Variants in ADAM12 observed in about 807,000 individuals in gnomAD.
ADAM12 encodes disintegrin and metalloproteinase domain-containing protein 12.
In ADAM12, 70 loss-of-function variants were observed where a neutral mutation model predicts 106.4. That is an observed-to-expected ratio of 0.66 (90% confidence interval 0.54 to 0.80). The LOEUF is 0.80. Ranked by LOEUF, ADAM12 falls within the 30% of genes least tolerant of loss-of-function variation. The pLI is 0.00. For synonymous variants in ADAM12, 420 were observed against 433.5 expected, an observed-to-expected ratio of 0.97 and a Z score of 0.39; for missense variants, 1,010 against 1,171.9, an observed-to-expected ratio of 0.86 and a Z score of 2.02.
rs759741851 is a variant in ADAM12 at position 126,066,703 on chromosome 10, C to T, written c.1413+14G>A. Reference sequence around the variant, plus strand: ...TGGCGACCTGGGGGTCAAGTTGTAGCTCCGGTGACTCACCTGGCAGTCTTC... The same window carrying T: ...TGGCGACCTGGGGGTCAAGTTGTAGTTCCGGTGACTCACCTGGCAGTCTTC... On this transcript the variant is annotated intron_variant, in intron 13 of 22. Transcript: ENST00000448723. The surrounding 1 kb of genome is among the most constrained non-coding windows in gnomAD (Gnocchi z 5.1). The T allele has an allele frequency of 6.2e-7, 1 of 1,613,714 alleles. No homozygotes were observed. Among genetic ancestry groups the T allele is most frequent in the South Asian group, 1.1e-5 (1 of 91,070 alleles).
chr10:126,292,372 G>T (rs1262800276), intron 2 of ADAM12, among the ~76,000 whole-genome samples: 1 of 151,884 alleles, frequency 6.6e-6, no homozygotes, highest in Non-Finnish European at 1.5e-5. Context: ...TCCTTCTCTG[G>T]AGTACCTCCA....
intron 6 of ADAM12, among the ~76,000 whole-genome samples, chr10:126,115,721 T>C (rs1252075146): frequency 6.6e-6 from 1 of 152,188 alleles, no homozygotes; most frequent in Non-Finnish European, 1.5e-5. Flanking sequence ...AGTTGCTGCA[T>C]TGCATAAACA....
At chr10:126,350,481 GC>G (rs911589754) in intron 1 of ADAM12, among the ~76,000 whole-genome samples, 1 of 152,228 alleles carries the variant, frequency 6.6e-6, no homozygotes, top group Non-Finnish European at 1.5e-5. Context: ...AGAGACAGCT[GC>G]CTGGGCATGG....
At chr10:126,178,074 T>C (rs1957250419) in intron 3 of ADAM12, among the ~76,000 whole-genome samples, 1 of 152,228 alleles carries the variant, frequency 6.6e-6, no homozygotes, top group Non-Finnish European at 1.5e-5. Context: ...TTTATGTGAT[T>C]GTTGATGTGA....
rs921876542 is a variant in ADAM12, at chr10:126,349,302, T to A, written c.89-18793A>T. Among the ~76,000 whole-genome samples, 7 of 152,228 alleles carry A rather than the reference T, an allele frequency of 4.6e-5. No individual in the cohort carries two copies. The South Asian group carries it at 1.4e-3, about 31-fold the overall frequency. ...ATTCAGGGGCCCACATGACTCCATCTGTCACCAAAGCACATGTTTGGCACG... is the reference window on the plus strand; with the variant it reads ...ATTCAGGGGCCCACATGACTCCATCAGTCACCAAAGCACATGTTTGGCACG... On this transcript the variant is annotated intron_variant, in intron 1 of 22. Transcript: ENST00000448723.
chr10:126,354,013 GT>G (rs374198285), intron 1 of ADAM12, among the ~76,000 whole-genome samples: 1 of 149,342 alleles, frequency 6.7e-6, no homozygotes, highest in Non-Finnish European at 1.5e-5. Context: ...TATTTGAAAT[GT>G]TTTTTATAAT....
chr10:126,051,450 C>T (rs1954481234), intron 14 of ADAM12, among the ~76,000 whole-genome samples: 1 of 151,878 alleles, frequency 6.6e-6, no homozygotes, highest in Non-Finnish European at 1.5e-5. Flanking sequence ...TCCAGCCAGC[C>T]ACCCAGCCAC....
At chr10:126,363,254 G>C (rs755419461) in intron 1 of ADAM12, among the ~76,000 whole-genome samples, 4 of 152,134 alleles carry the variant, frequency 2.6e-5, no homozygotes, top group Non-Finnish European at 5.9e-5. Context: ...AAGTCTGTAA[G>C]AAGTTCAAAA....
intron 2 of ADAM12, among the ~76,000 whole-genome samples, chr10:126,296,438 T>C (rs1484719451): frequency 2.0e-5 from 3 of 152,178 alleles, no homozygotes; most frequent in Admixed American, 6.5e-5. Flanking sequence ...CCCAGCCTTT[T>C]AAATATTTTT....
chr10:126,181,789 C>T (rs992347453), intron 3 of ADAM12, among the ~76,000 whole-genome samples: 6 of 152,210 alleles, frequency 3.9e-5, no homozygotes, highest in Non-Finnish European at 7.3e-5. Flanking sequence ...GCAAGCAAGC[C>T]AGCTGTTGAC....
chr10:126,132,696 A>G (rs1956330180), intron 5 of ADAM12, among the ~76,000 whole-genome samples: 1 of 151,956 alleles, frequency 6.6e-6, no homozygotes, highest in Admixed American at 6.6e-5. Context: ...TTGTTTGAAC[A>G]TGCAAACTTC....
chr10:126,142,659 G>A (rs962007798), intron 4 of ADAM12, among the ~76,000 whole-genome samples: 4 of 152,020 alleles, frequency 2.6e-5, no homozygotes, highest in Non-Finnish European at 5.9e-5. Flanking sequence ...CGGGGGGCCT[G>A]TTCCCAACAA....
At chr10:126,242,770 T>C (rs1016926850) in intron 3 of ADAM12, among the ~76,000 whole-genome samples, 4 of 152,182 alleles carry the variant, frequency 2.6e-5, no homozygotes, top group Admixed American at 2.6e-4. Context: ...TGTCCACATC[T>C]GGGGAGAAAG....
Position 126,014,312 on chromosome 10 carries a change from G to GTTTTTTTTTTT in ADAM12, c.*2966_*2967insAAAAAAAAAAA, listed in dbSNP as rs145629858. 3.1e-4 allele frequency: 27 copies of GTTTTTTTTTTT among 87,658 alleles called. 1 individual carries two copies. Among genetic ancestry groups the GTTTTTTTTTTT allele is most frequent in the African/African-American group, 1.0e-3 (24 of 23,898 alleles). The allele number at this position is 87,658 out of a possible 1,614,324, so 5.4% of individuals were successfully genotyped here. A position where few individuals can be genotyped will look rare whatever the true frequency, so the allele number is the denominator to read the frequency against. ...AGAACATTTTGACACAGTTTTAGCC[G>GTTTTTTTTTTT]GTTTTTTTTTTTTTTTTTTTTTTTT... On this transcript the variant is annotated 3_prime_UTR_variant, in exon 23 of 23. Transcript: ENST00000448723.
chr10:126,383,452 G>T (rs561816094), intron 1 of ADAM12, among the ~76,000 whole-genome samples: 4 of 152,014 alleles, frequency 2.6e-5, no homozygotes, highest in Non-Finnish European at 5.9e-5. Flanking sequence ...ATTGAAGAAC[G>T]AATATAAGAA....
chr10:126,225,371 T>A (rs1302787597), intron 3 of ADAM12, among the ~76,000 whole-genome samples: 1 of 152,194 alleles, frequency 6.6e-6, no homozygotes, highest in Non-Finnish European at 1.5e-5. Context: ...TCTGCAAAGT[T>A]TCCTCGTTAA....
At chr10:126,037,029 TCC>T (rs1349091128) in intron 20 of ADAM12, among the ~76,000 whole-genome samples, 1 of 152,144 alleles carries the variant, frequency 6.6e-6, no homozygotes, top group African/African-American at 2.4e-5. Context: ...GCTTCTCCCT[TCC>T]CTCTCCCTCC....
At chr10:126,102,652 A>C (rs1184491532) in intron 8 of ADAM12, among the ~76,000 whole-genome samples, 16 of 152,228 alleles carry the variant, frequency 1.1e-4, no homozygotes, top group Admixed American at 1.0e-3. Context: ...TGCTGATTGC[A>C]TTGGTCCAAC....
At chr10:126,198,599 C>G (rs1957641923) in intron 3 of ADAM12, among the ~76,000 whole-genome samples, 1 of 152,206 alleles carries the variant, frequency 6.6e-6, no homozygotes, top group Admixed American at 6.5e-5. Context: ...CCAGCACCTC[C>G]CCTGCTGCTC....
Sources: gnomAD v4.1 joint callset for allele counts (sites outside exome capture counted in the v4.1 genomes callset) on GRCh38, gnomAD v4.1.1 for gene constraint, Gnocchi (gnomAD v3.1) non-coding constraint, MANE v1.5 for transcripts, NCBI Gene and HGNC (gene_info 2026-07-23, HGNC 2026-07-21) for gene names.